Variants in CCDC88B observed in about 807,000 individuals in gnomAD.
CCDC88B encodes the protein coiled-coil and HOOK domain protein 88B, also known as coiled-coil domain-containing protein 88B.
A neutral mutation model predicts 183.7 loss-of-function variants in CCDC88B; 138 were observed. That is an observed-to-expected ratio of 0.75 (90% CI 0.65 to 0.87). The LOEUF (loss-of-function observed/expected upper bound fraction) is 0.87, where lower values mean the gene tolerates loss of function less well. Among genes scored for constraint, CCDC88B ranks in the 40% least tolerant of loss-of-function variants. The probability of loss-of-function intolerance (pLI) is 0.00; values close to 1 mark genes in which losing one functional copy is unlikely to be tolerated. For missense variants in CCDC88B, 1,822 were observed against 1,965.6 expected, an observed-to-expected ratio of 0.93 and a Z score of 1.38; for synonymous variants, 835 against 867.5, an observed-to-expected ratio of 0.96 and a Z score of 0.66.
chr11:64,343,800 C>A lies in CCDC88B; in HGVS notation c.1341C>A (p.Pro447=). The A allele has an allele frequency of 6.3e-7, 1 of 1,583,874 alleles. No homozygotes were observed. The highest frequency in any genetic ancestry group is 8.6e-7 in the Non-Finnish European group (1 of 1,165,010). Residue 447 remains proline (P), a synonymous_variant, in exon 13 of 27, where the codon CCC becomes CCA. Transcript: ENST00000356786. ...CAGCACCCCTAGCAGGAGCGGCCCCCTCGCTGCAAGATGAGGTGAGGGAGG... is the reference window on the plus strand; with the variant it reads ...CAGCACCCCTAGCAGGAGCGGCCCCATCGCTGCAAGATGAGGTGAGGGAGG... ...PGEAPLAGAA[P]SLQDEVREAE...
chr11:64,348,403 G>T (rs1204606788), intron 14 of CCDC88B, among the ~76,000 whole-genome samples: 1 of 151,860 alleles, frequency 6.6e-6, no homozygotes, highest in African/African-American at 2.4e-5. Context: ...GAGGGCTGTG[G>T]CCAGGGCCCG....
In CCDC88B at chr11:64,345,074, C is replaced by G. The variant is rs369536071; in HGVS notation, c.2533C>G (p.Arg845Gly). Residue 845 changes from arginine (R) to glycine (G), a missense_variant, in exon 14 of 27, where the codon CGG becomes GGG. Arg to Gly is a moderately radical substitution (Grantham distance 125). Coordinates refer to ENST00000356786, the MANE Select transcript of CCDC88B (RefSeq NM_032251.6). Reference protein sequence around the residue: ...LRAQSEAAEERMQVLESEGRQ... With the variant: ...LRAQSEAAEEGMQVLESEGRQ... ...GGCCCAGTCGGAGGCCGCCGAGGAA[C>G]GGATGCAGGTGCTGGAGAGCGAGGG... 3 of 1,551,402 alleles carry G rather than the reference C, an allele frequency of 1.9e-6. No homozygotes were observed. Among genetic ancestry groups the G allele is most frequent in the Non-Finnish European group, 2.6e-6 (3 of 1,150,940 alleles).
At chr11:64,352,502 C>T in intron 19 of CCDC88B, 116 bp downstream of exon 19, 1 of 1,402,538 alleles carries the variant, frequency 7.1e-7, no homozygotes, top group Non-Finnish European at 9.4e-7. Context: ...CTCTGTGATG[C>T]CCCGGCCACT....
chr11:64,343,199 G>C lies in CCDC88B; in HGVS notation c.1083G>C (p.Gly361=), dbSNP rs781561787. ...SQLEEERVLS[G]VLEASKALLE... is the part of the protein sequence containing the mutation. ...ACCAGGAGGAGCGGGTGCTCTCGGG[G>C]GTGCTGGAGGCGTCCAAGGCGCTGC... The change falls in exon 11 of 27, where the codon GGG becomes GGC. Residue 361 remains glycine (G), a synonymous_variant. Coordinates refer to ENST00000356786, the MANE Select transcript of CCDC88B (RefSeq NM_032251.6). 3.9e-6 allele frequency: 6 copies of C among 1,538,598 alleles called. No homozygotes were observed. The South Asian group carries it at 7.2e-5, about 18-fold the overall frequency.
chr11:64,354,057 A>AG lies in CCDC88B; in HGVS notation c.3992dup (p.Gly1334TrpfsTer26), dbSNP rs767961455. 4 of 1,440,542 alleles carry AG rather than the reference A, an allele frequency of 2.8e-6. No homozygotes were observed. The highest frequency in any genetic ancestry group is 3.7e-6 in the Non-Finnish European group (4 of 1,091,068). The allele number at this position is 1,440,542 out of a possible 1,614,324, so 89.2% of individuals were successfully genotyped here. A position where few individuals can be genotyped will look rare whatever the true frequency, so the allele number is the denominator to read the frequency against. On this transcript the variant is annotated frameshift_variant, in exon 24 of 27. Coordinates refer to ENST00000356786, the MANE Select transcript of CCDC88B (RefSeq NM_032251.6). LOFTEE classifies it high-confidence loss of function. ...AAGAGGCTGATGCGGCCCCGGCGGGAGGGGGGCCCCCCTGGGGGGCTGCGC... is the reference window on the plus strand; with the variant it reads ...AAGAGGCTGATGCGGCCCCGGCGGGAGGGGGGGCCCCCCTGGGGGGCTGCGC...
intron 8 of CCDC88B, 32 bp downstream of exon 8, chr11:64,342,171 G>A: frequency 6.2e-7 from 1 of 1,601,650 alleles, no homozygotes; most frequent in Non-Finnish European, 8.5e-7. Flanking sequence ...AGGGGACTGA[G>A]TGGAGAGGGG....
chr11:64,343,766 T>G lies in CCDC88B; in HGVS notation c.1319-12T>G, dbSNP rs1409613928. The G allele has an allele frequency of 6.4e-7, 1 of 1,556,340 alleles. No homozygotes were observed. The highest frequency in any genetic ancestry group is 2.4e-5 in the East Asian group (1 of 42,276). On this transcript the variant is annotated splice_polypyrimidine_tract_variant and intron_variant, in intron 12 of 26. Transcript: ENST00000356786. The stretch of plus-strand genomic sequence containing the variant: ...GTAAAGGAGGGGTCCTGACCTCATC[T>G]CTCATCCTCAGCACCCCTAGCAGGA...
rs2036572571 is a variant in CCDC88B at position 64,357,163 on chromosome 11, A to G, written c.*69A>G. 2.5e-6 allele frequency: 4 copies of G among 1,581,784 alleles called. No individual in the cohort carries two copies. The highest frequency in any genetic ancestry group is 3.5e-6 in the Non-Finnish European group (4 of 1,150,738). ...TGGAGTGTCAGCGGAGGCCCCAGGC[A>G]GCCCAAGAGCTCAGGGAGCCAGGGA... is the stretch of plus-strand genomic sequence containing the variant. On this transcript the variant is annotated 3_prime_UTR_variant, in exon 27 of 27. Transcript: ENST00000356786.
intron 2 of CCDC88B, 76 bp from the exon 3 acceptor site, chr11:64,340,831 G>C: frequency 6.5e-7 from 1 of 1,544,814 alleles, no homozygotes; most frequent in Non-Finnish European, 8.7e-7. Flanking sequence ...CTGATGCTCA[G>C]TGGGCGGGGC....
intron 1 of CCDC88B, 119 bp downstream of exon 1, chr11:64,340,445 A>C: frequency 7.8e-7 from 1 of 1,280,504 alleles, no homozygotes; most frequent in Admixed American, 2.7e-5. Context: ...GCTGGGTTCA[A>C]ATGTGGGGGA....
chr11:64,346,998 G>A (rs2036138584), intron 14 of CCDC88B, among the ~76,000 whole-genome samples: 1 of 151,592 alleles, frequency 6.6e-6, no homozygotes, highest in South Asian at 2.1e-4. Flanking sequence ...GTTTCACCAT[G>A]TTGGCCAGGA....
Position 64,354,261 on chromosome 11 carries a change from C to T in CCDC88B, c.4099+91C>T, listed in dbSNP as rs1000686696. 95 of 1,149,928 alleles carry T rather than the reference C, an allele frequency of 8.3e-5. 1 individual carries two copies. The South Asian group carries it at 2.2e-3, about 27-fold the overall frequency. The allele number at this position is 1,149,928 out of a possible 1,614,324, so 71.2% of individuals were successfully genotyped here. On this transcript the variant is annotated intron_variant, in intron 24 of 26. Transcript: ENST00000356786. ...CCTGCCTCACTGCCTGGCCTGCATGCGTGACCCCATTGGCCTTCCCTGAGG... is the reference window on the plus strand; with the variant it reads ...CCTGCCTCACTGCCTGGCCTGCATGTGTGACCCCATTGGCCTTCCCTGAGG...
intron 24 of CCDC88B, among the ~76,000 whole-genome samples, chr11:64,354,474 G>A (rs983570850): frequency 1.3e-5 from 2 of 152,092 alleles, no homozygotes; most frequent in African/African-American, 2.4e-5. Context: ...TGCAGATGAG[G>A]AGACTGAGGC....
chr11:64,351,305 AG>A, intron 17 of CCDC88B, 50 bp downstream of exon 17: 1 of 1,493,818 alleles, frequency 6.7e-7, no homozygotes, highest in Middle Eastern at 2.2e-4. Flanking sequence ...GTGCAGTGTG[AG>A]TGTGGGTCCA....
At chr11:64,347,511 G>T (rs1443199563) in intron 14 of CCDC88B, among the ~76,000 whole-genome samples, 5 of 152,308 alleles carry the variant, frequency 3.3e-5, no homozygotes, top group Non-Finnish European at 7.4e-5. Flanking sequence ...TATGAGGATG[G>T]GGGGTGGGGA....
rs1299036237 is a variant in CCDC88B, at chr11:64,353,449, C to T, written c.3786C>T (p.Arg1262=). 1.2e-6 allele frequency: 2 copies of T among 1,612,906 alleles called. No individual in the cohort carries two copies. Among genetic ancestry groups the T allele is most frequent in the Admixed American group, 1.7e-5 (1 of 60,002 alleles). The change falls in exon 22 of 27, where the codon CGC becomes CGT. Residue 1262 remains arginine (R), a synonymous_variant. Coordinates refer to ENST00000356786, the MANE Select transcript of CCDC88B (RefSeq NM_032251.6). Reference sequence around the variant, plus strand: ...GGGAGAACAGGGAGCTCCTGGAGCGCAGCCTGGAGAGTCGGGACCACCTGC... The same window carrying T: ...GGGAGAACAGGGAGCTCCTGGAGCGTAGCCTGGAGAGTCGGGACCACCTGC... ...LSRENRELLE[R]SLESRDHLHR...
rs2035857132 is a variant in CCDC88B, at chr11:64,341,602, A to G, written c.535A>G (p.Thr179Ala). The change falls in exon 7 of 27, where the codon ACC becomes GCC. Residue 179 changes from threonine to alanine, a missense_variant. By Grantham distance (58) the Thr-to-Ala change is moderately conservative. Transcript: ENST00000356786. Reference protein sequence around the residue: ...SELAAAIQEVTQPGAGVVLAL... With the variant: ...SELAAAIQEVAQPGAGVVLAL... ...AACTGCTCTTCCTGCGCCCCAGGTG[A>G]CCCAGCCGGGGGCCGGCGTGGTGCT... is the stretch of plus-strand genomic sequence containing the variant. The G allele has an allele frequency of 6.2e-7, 1 of 1,600,810 alleles. No homozygotes were observed. The highest frequency in any genetic ancestry group is 1.3e-5 in the African/African-American group (1 of 74,644).
Position 64,349,374 on chromosome 11 carries a change from G to A in CCDC88B, c.2660G>A (p.Arg887Gln), listed in dbSNP as rs753484961. Residue 887 changes from arginine (R) to glutamine (Q), a missense_variant, in exon 15 of 27, where the codon CGG becomes CAG. Physicochemically the swap from Arg to Gln is conservative, Grantham distance 43. Transcript: ENST00000356786. ...GTGCGGGGCAAGGAGTTGGGGGACC[G>A]GCTGGAGCATTTGCAGCGTGAGCTG... ...AVVRGKELGD[R>Q]LEHLQRELEQ... The A allele has an allele frequency of 3.5e-5, 56 of 1,612,932 alleles. No homozygotes were observed. The Admixed American group carries it at 4.8e-4, about 14-fold the overall frequency.
intron 11 of CCDC88B, 49 bp from the exon 12 acceptor site, chr11:64,343,458 G>C: frequency 1.3e-6 from 2 of 1,544,062 alleles, no homozygotes; most frequent in Non-Finnish European, 1.8e-6. Context: ...CTACACACTC[G>C]GCCTGGCCAT....
Sources: allele counts gnomAD v4.1 joint callset (sites outside exome capture counted in the v4.1 genomes callset), GRCh38; gene constraint gnomAD v4.1.1; transcripts MANE v1.5; gene names NCBI Gene and HGNC (gene_info 2026-07-23, HGNC 2026-07-21).